TAFA2: variants seen among roughly 807,000 people sequenced by gnomAD.
TAFA2 encodes the protein TAFA chemokine like family member 2.
A neutral mutation model predicts 18.8 loss-of-function variants in TAFA2; 7 were observed. The observed-to-expected ratio is 0.37, with a 90% CI of 0.21 to 0.70. The LOEUF is 0.70. Among genes scored for constraint, TAFA2 ranks in the 30% least tolerant of loss-of-function variants. The pLI, the probability that TAFA2 is intolerant of heterozygous loss-of-function variation, is 0.53. For missense variants in TAFA2, 122 were observed against 158.1 expected (o/e 0.77, Z 1.23); for synonymous variants, 60 against 54.2 (o/e 1.11, Z -0.47).
At position 61,927,209 on chromosome 12, in the gene TAFA2, A is replaced by T. The variant is rs1592492553; in HGVS notation, c.-1-59783T>A. On this transcript the variant is annotated intron_variant, in intron 1 of 4. Coordinates refer to ENST00000416284, the MANE Select transcript of TAFA2 (RefSeq NM_178539.5). ...AAATAAAGCGTATTCAAATAGGAAG[A>T]GAGGAAGTCAAATAGTCTCTGTTTG... Among the ~76,000 whole-genome samples the T allele has an allele frequency of 2.0e-5, 3 of 152,142 alleles. No homozygotes were observed. The East Asian group carries it at 5.8e-4, about 29-fold the overall frequency.
At chr12:61,997,798 T>C (rs1420140699) in intron 1 of TAFA2, among the ~76,000 whole-genome samples, 1 of 152,070 alleles carries the variant, frequency 6.6e-6, no homozygotes, top group African/African-American at 2.4e-5. Flanking sequence ...AAGCATTGTT[T>C]TTTGGATTTT....
chr12:61,749,095 G>A (rs777079634), intron 4 of TAFA2, among the ~76,000 whole-genome samples: 10 of 145,708 alleles, frequency 6.9e-5, no homozygotes, highest in East Asian at 2.1e-4. Flanking sequence ...GCAAAACCCC[G>A]TTGTTACTAA....
intron 1 of TAFA2, chr12:62,255,162 A>C (rs2062932292): frequency 6.6e-6 from 1 of 152,368 alleles, no homozygotes; most frequent in Non-Finnish European, 1.5e-5. Flanking sequence ...GCATATTTTT[A>C]AATGAGTATA....
intron 2 of TAFA2, among the ~76,000 whole-genome samples, chr12:61,865,557 T>C (rs996182649): frequency 1.3e-5 from 2 of 152,166 alleles, no homozygotes; most frequent in Non-Finnish European, 2.9e-5. Context: ...GCTCTGACCA[T>C]TTGAGTTTTC....
At chr12:61,838,607 C>T (rs1402794251) in intron 2 of TAFA2, among the ~76,000 whole-genome samples, 5 of 151,910 alleles carry the variant, frequency 3.3e-5, no homozygotes, top group African/African-American at 1.2e-4. Flanking sequence ...AGCCTAGGAG[C>T]AATTTTCATA....
intron 2 of TAFA2, among the ~76,000 whole-genome samples, chr12:61,782,606 T>C (rs569353911): frequency 6.6e-6 from 1 of 151,872 alleles, no homozygotes; most frequent in Admixed American, 6.6e-5. Flanking sequence ...AAGGGCTATG[T>C]CATGAGCCAT....
intron 2 of TAFA2, among the ~76,000 whole-genome samples, chr12:61,783,460 G>A (rs1157094124): frequency 6.6e-6 from 1 of 151,518 alleles, no homozygotes; most frequent in Non-Finnish European, 1.5e-5. Context: ...TCTATTGTAC[G>A]AATTGGCTTC....
chr12:62,243,029 AAATT>A (rs2062869838), intron 1 of TAFA2, among the ~76,000 whole-genome samples: 1 of 152,218 alleles, frequency 6.6e-6, no homozygotes, highest in African/African-American at 2.4e-5. Context: ...GTGTTTTACC[AAATT>A]GTTTGGAAAA....
chr12:62,238,534 A>C (rs765264505), intron 1 of TAFA2, among the ~76,000 whole-genome samples: 3 of 152,172 alleles, frequency 2.0e-5, no homozygotes, highest in Non-Finnish European at 4.4e-5. Flanking sequence ...CTATTTTACA[A>C]ATGACAAATC....
intron 1 of TAFA2, among the ~76,000 whole-genome samples, chr12:62,052,007 A>T (rs1882067383): frequency 6.6e-6 from 1 of 152,144 alleles, no homozygotes; most frequent in Non-Finnish European, 1.5e-5. Flanking sequence ...TATTTCCATA[A>T]AACTTTAATT....
At chr12:61,896,256 G>A (rs575838193) in intron 1 of TAFA2, among the ~76,000 whole-genome samples, 20 of 152,176 alleles carry the variant, frequency 1.3e-4, no homozygotes, top group Non-Finnish European at 2.4e-4. Flanking sequence ...GAAAGTAATG[G>A]CTCTGGGGTT....
chr12:61,988,338 G>C (rs1879886352), intron 1 of TAFA2, among the ~76,000 whole-genome samples: 1 of 152,018 alleles, frequency 6.6e-6, no homozygotes, highest in African/African-American at 2.4e-5. Flanking sequence ...TTGGAATCTA[G>C]AGAATTCCAA....
chr12:62,179,330 A>G (rs1377577740), intron 1 of TAFA2, among the ~76,000 whole-genome samples: 1 of 152,194 alleles, frequency 6.6e-6, no homozygotes, highest in Non-Finnish European at 1.5e-5. Flanking sequence ...TTCAAGTGAC[A>G]GAATAGAAGC....
At chr12:61,890,628 A>G (rs1288200823) in intron 1 of TAFA2, among the ~76,000 whole-genome samples, 2 of 152,250 alleles carry the variant, frequency 1.3e-5, no homozygotes, top group Non-Finnish European at 2.9e-5. Context: ...CAGGGGGTTT[A>G]GCACACAGTT....
chr12:62,198,281 T>C (rs528321442), intron 1 of TAFA2: 2 of 152,334 alleles, frequency 1.3e-5, no homozygotes, highest in South Asian at 4.1e-4. Flanking sequence ...ATTGATTTTT[T>C]GTTTGGCTTG....
intron 1 of TAFA2, among the ~76,000 whole-genome samples, chr12:62,016,540 C>T (rs1368949509): frequency 6.6e-6 from 1 of 152,124 alleles, no homozygotes; most frequent in African/African-American, 2.4e-5. Flanking sequence ...ACTCCAACTG[C>T]CCTCAGACCC....
chr12:61,730,539 G>A (rs1870392294), intron 4 of TAFA2, among the ~76,000 whole-genome samples: 1 of 152,056 alleles, frequency 6.6e-6, no homozygotes, highest in Non-Finnish European at 1.5e-5. Flanking sequence ...AGTGGGTGCA[G>A]GGTTAGGTGT....
chr12:62,074,923 A>G (rs1175905183), intron 1 of TAFA2, among the ~76,000 whole-genome samples: 2 of 152,084 alleles, frequency 1.3e-5, no homozygotes, highest in East Asian at 3.9e-4. Flanking sequence ...GCTGGTTTCA[A>G]ACTCCTGGCC....
At chr12:62,223,368 A>C (rs1225774134) in intron 1 of TAFA2, among the ~76,000 whole-genome samples, 1 of 152,132 alleles carries the variant, frequency 6.6e-6, no homozygotes, top group Non-Finnish European at 1.5e-5. Flanking sequence ...TGTGGAGATG[A>C]GGTCTCCGTA....
Sources: allele counts gnomAD v4.1 joint callset (sites outside exome capture counted in the v4.1 genomes callset), GRCh38; gene constraint gnomAD v4.1.1; transcripts MANE v1.5; gene names NCBI Gene and HGNC (gene_info 2026-07-23, HGNC 2026-07-21).